The following EIF2AK2 variants were observed in gnomAD, a reference collection of about 807,000 sequenced individuals.
The protein encoded by EIF2AK2 is interferon-induced, double-stranded RNA-activated protein kinase.
A neutral mutation model predicts 70.5 loss-of-function variants in EIF2AK2; 40 were observed. That is an observed-to-expected ratio of 0.57 (90% CI 0.44 to 0.74). The LOEUF is 0.74. Among genes scored for constraint, EIF2AK2 ranks in the 30% least tolerant of loss-of-function variants. The probability of loss-of-function intolerance (pLI) is 0.00; values close to 1 mark genes in which losing one functional copy is unlikely to be tolerated. For synonymous variants in EIF2AK2, 198 were observed against 220.9 expected, an observed-to-expected ratio of 0.90 and a Z score of 0.92; for missense variants, 555 against 644.3, an observed-to-expected ratio of 0.86 and a Z score of 1.50.
chr2:37,138,477 G>A (rs1675205962), intron 7 of EIF2AK2, 32 bp downstream of exon 7: 1 of 1,609,802 alleles, frequency 6.2e-7, no homozygotes, highest in African/African-American at 1.3e-5. Context: ...ATATGAATAT[G>A]TTAAGTATCT....
chr2:37,115,419 A>G (rs1015681297), intron 13 of EIF2AK2, among the ~76,000 whole-genome samples: 12 of 151,796 alleles, frequency 7.9e-5, no homozygotes, highest in Non-Finnish European at 1.3e-4. Flanking sequence ...CTGCCCTCGA[A>G]TATCTGAAAA....
At chr2:37,130,371 C>T (rs376590140) in intron 10 of EIF2AK2, among the ~76,000 whole-genome samples, 3 of 152,162 alleles carry the variant, frequency 2.0e-5, no homozygotes, top group African/African-American at 7.2e-5. Context: ...CCAAAGTGCT[C>T]GGATTACAGG....
rs535333808 is a variant in EIF2AK2, at chr2:37,148,950, T to C, written c.-110A>G. On this transcript the variant is annotated 5_prime_UTR_variant, in exon 2 of 17. Coordinates refer to ENST00000233057, the MANE Select transcript of EIF2AK2 (RefSeq NM_001135651.3). ...GCCAGAGAAGCAAACCTGAGTCAGA[T>C]GGAAGAACTGCTAAAGTTTTGAGGT... is the stretch of plus-strand genomic sequence containing the variant. 7.2e-5 allele frequency: 59 copies of C among 824,122 alleles called. 1 individual carries two copies. Among genetic ancestry groups the C allele is most frequent in the South Asian group, 6.0e-4 (45 of 75,262 alleles). The allele number at this position is 824,122 out of a possible 1,614,324, so 51.1% of individuals were successfully genotyped here.
chr2:37,141,487 C>A (rs571749769), intron 5 of EIF2AK2, 66 bp downstream of exon 5: 53 of 1,567,434 alleles, frequency 3.4e-5, no homozygotes, highest in Non-Finnish European at 4.6e-5. Context: ...AAATTAGACA[C>A]GAAAATAAAC....
At position 37,122,561 on chromosome 2, in the gene EIF2AK2, C is replaced by T. The variant is rs1674593979; in HGVS notation, c.1012G>A (p.Asp338Asn). ...TAATCACTGCTCTCAAGAGAATCAT[C>T]ACTGGTCTCAGGATCATAATCAAAT... is the stretch of plus-strand genomic sequence containing the variant. Reference protein sequence around the residue: ...DGFDYDPETSDDSLESSDYDP... With the variant: ...DGFDYDPETSNDSLESSDYDP... Residue 338 changes from aspartate (D) to asparagine (N), a missense_variant, in exon 12 of 17, where the codon GAT becomes AAT. Coordinates refer to ENST00000233057, the MANE Select transcript of EIF2AK2 (RefSeq NM_001135651.3). 1.2e-6 allele frequency: 2 copies of T among 1,614,132 alleles called. No individual in the cohort carries two copies. The highest frequency in any genetic ancestry group is 1.7e-6 in the Non-Finnish European group (2 of 1,180,018).
chr2:37,145,369 C>T lies in EIF2AK2; in HGVS notation c.240+1484G>A, dbSNP rs573191835. Among the ~76,000 whole-genome samples the T allele has an allele frequency of 2.0e-5, 3 of 152,268 alleles. No homozygotes were observed. The East Asian group carries it at 5.8e-4, about 29-fold the overall frequency. On this transcript the variant is annotated intron_variant, in intron 4 of 16. Transcript: ENST00000233057. The stretch of plus-strand genomic sequence containing the variant: ...TGTTGGCCAGGCTGATCTTAAACTC[C>T]TGACCTCAGGTGATCTGCCTGCCTT...
chr2:37,156,037 G>C (rs1449124219), intron 1 of EIF2AK2, among the ~76,000 whole-genome samples: 1 of 152,158 alleles, frequency 6.6e-6, no homozygotes, highest in Non-Finnish European at 1.5e-5. Context: ...AGCAAGGGCA[G>C]AGCGGGGTTT....
At chr2:37,120,585 T>A (rs1334564485) in intron 12 of EIF2AK2, among the ~76,000 whole-genome samples, 3 of 148,578 alleles carry the variant, frequency 2.0e-5, no homozygotes, top group Non-Finnish European at 3.0e-5. Context: ...ATAAACAAAT[T>A]TGAATCAAAA....
rs566987363 is a variant in EIF2AK2 at position 37,135,341 on chromosome 2, TAA to T, written c.785+141_785+142del. 76 of 666,582 alleles carry T rather than the reference TAA, an allele frequency of 1.1e-4. 1 individual carries two copies. The African/African-American group carries it at 1.2e-3, about 11-fold the overall frequency. The allele number at this position is 666,582 out of a possible 1,614,324, so 41.3% of individuals were successfully genotyped here. A position where few individuals can be genotyped will look rare whatever the true frequency, so the allele number is the denominator to read the frequency against. ...CTGGGCCCCCTCTTAATGATAAGCCTAAGACTATTGTTCTTACCCTGCGTAGT... is the reference window on the plus strand; with the variant it reads ...CTGGGCCCCCTCTTAATGATAAGCCTGACTATTGTTCTTACCCTGCGTAGT... On this transcript the variant is annotated intron_variant, in intron 10 of 16. Transcript: ENST00000233057.
chr2:37,139,821 T>A, intron 5 of EIF2AK2, 64 bp from the exon 6 acceptor site: 2 of 1,501,936 alleles, frequency 1.3e-6, no homozygotes, highest in Middle Eastern at 1.9e-4. Flanking sequence ...AACTTAGGAT[T>A]CAAAAAAAAT....
chr2:37,116,840 T>C (rs1674358411), intron 13 of EIF2AK2, among the ~76,000 whole-genome samples: 1 of 152,166 alleles, frequency 6.6e-6, no homozygotes, highest in South Asian at 2.1e-4. Context: ...GAAAATTGAA[T>C]TTGTGAAGCC....
Position 37,107,494 on chromosome 2 carries a change from C to CTG in EIF2AK2, c.1511_1512dup (p.Asp505GlnfsTer30). On this transcript the variant is annotated frameshift_variant, in exon 16 of 17. Transcript: ENST00000233057. LOFTEE classifies it low-confidence loss of function (END_TRUNC). ...CTTACTTCTTTTTTATCAAATATAT[C>CTG]TGAGATGATGCCATCCCGTAGGTCT... The CTG allele has an allele frequency of 6.2e-7, 1 of 1,612,668 alleles. No homozygotes were observed. The highest frequency in any genetic ancestry group is 8.5e-7 in the Non-Finnish European group (1 of 1,179,700).
intron 2 of EIF2AK2, chr2:37,148,483 T>C (rs1675633647): frequency 1.1e-5 from 6 of 534,652 alleles, no homozygotes; most frequent in South Asian, 5.7e-5. Flanking sequence ...GCCCGTGACC[T>C]AGATCTCTAG....
Position 37,107,473 on chromosome 2 carries a change from C to T in EIF2AK2, c.1533+1G>A. On this transcript the variant is annotated splice_donor_variant, in intron 16 of 16. Transcript: ENST00000233057. LOFTEE classifies it high-confidence loss of function. Reference sequence around the variant, plus strand: ...AATTCTGATGATTTTCAAGTGCTTACTTCTTTTTTATCAAATATATCTGAG... The same window carrying T: ...AATTCTGATGATTTTCAAGTGCTTATTTCTTTTTTATCAAATATATCTGAG... The T allele has an allele frequency of 6.2e-7, 1 of 1,611,976 alleles. No individual in the cohort carries two copies.
At chr2:37,144,773 G>A (rs1675468854) in intron 4 of EIF2AK2, among the ~76,000 whole-genome samples, 1 of 151,940 alleles carries the variant, frequency 6.6e-6, no homozygotes, top group Admixed American at 6.6e-5. Context: ...GTACAGACAG[G>A]GTTTCACCAT....
intron 14 of EIF2AK2, among the ~76,000 whole-genome samples, chr2:37,113,814 C>G (rs1278911132): frequency 6.6e-6 from 1 of 152,164 alleles, no homozygotes; most frequent in African/African-American, 2.4e-5. Flanking sequence ...AAACTGATCA[C>G]TGGAGAGTAT....
intron 10 of EIF2AK2, among the ~76,000 whole-genome samples, chr2:37,128,791 A>AGG (rs1471899264): frequency 6.6e-6 from 1 of 152,196 alleles, no homozygotes; most frequent in Non-Finnish European, 1.5e-5. Context: ...TCCCCCATAG[A>AGG]GGCCCAGATG....
At chr2:37,138,419 C>A (rs1381647436) in intron 7 of EIF2AK2, 56 bp from the exon 8 acceptor site, 6 of 1,599,090 alleles carry the variant, frequency 3.8e-6, no homozygotes, top group African/African-American at 1.3e-5. Context: ...TCACTTATTT[C>A]TTTCCCTAAA....
rs190572254 is a variant in EIF2AK2 at position 37,128,246 on chromosome 2, G to A, written c.786-1835C>T. Among the ~76,000 whole-genome samples the A allele has an allele frequency of 1.1e-4, 16 of 152,194 alleles. No homozygotes were observed. The East Asian group carries it at 2.5e-3, about 24-fold the overall frequency. On this transcript the variant is annotated intron_variant, in intron 10 of 16. Transcript: ENST00000233057. ...CCACTGATGCAAACAGGTCTCCATC[G>A]TTTCAGACATTTCATTTTAAATCCA...
Sources: allele counts gnomAD v4.1 joint callset (sites outside exome capture counted in the v4.1 genomes callset), GRCh38; gene constraint gnomAD v4.1.1; transcripts MANE v1.5; gene names NCBI Gene and HGNC (gene_info 2026-07-23, HGNC 2026-07-21).